Variants in PTPRQ observed in about 807,000 individuals in gnomAD.
PTPRQ encodes protein tyrosine phosphatase receptor type Q.
A neutral mutation model predicts 246.0 loss-of-function variants in PTPRQ; 199 were observed. The observed-to-expected ratio is 0.81, with a 90% CI of 0.72 to 0.91. The LOEUF (loss-of-function observed/expected upper bound fraction) is 0.91, where lower values mean the gene tolerates loss of function less well. Among genes scored for constraint, PTPRQ ranks in the 40% least tolerant of loss-of-function variants. The pLI, the probability that PTPRQ is intolerant of heterozygous loss-of-function variation, is 0.00. For synonymous variants in PTPRQ, 869 were observed against 853.2 expected (o/e 1.02, Z -0.32); for missense variants, 2,624 against 2,528.4 (o/e 1.04, Z -0.81).
chr12:80,499,934 T>C (rs1894745373), intron 14 of PTPRQ, among the ~76,000 whole-genome samples: 1 of 152,008 alleles, frequency 6.6e-6, no homozygotes, highest in Admixed American at 6.6e-5. Flanking sequence ...TGATGATCTA[T>C]ACATATTCCC....
chr12:80,588,194 A>G lies in PTPRQ; in HGVS notation c.4351A>G (p.Ile1451Val), dbSNP rs1001991706. Reference sequence around the variant, plus strand: ...GTCAACTAGTGCAACATTGACATGGATAAGACCTGACACTATCCTTGGCTA... The same window carrying G: ...GTCAACTAGTGCAACATTGACATGGGTAAGACCTGACACTATCCTTGGCTA... ...VQSTSATLTW[I>V]RPDTILGYFQ... is the part of the protein sequence containing the mutation. The change falls in exon 26 of 45, where the codon ATA (isoleucine) becomes GTA (valine). Residue 1451 changes from isoleucine (I) to valine (V), a missense_variant. Coordinates refer to ENST00000644991, the MANE Select transcript of PTPRQ (RefSeq NM_001145026.2). 6.4e-7 allele frequency: 1 copy of G among 1,551,376 alleles called. No individual in the cohort carries two copies.
chr12:80,540,557 A>G lies in PTPRQ; in HGVS notation c.3154+613A>G, dbSNP rs1303566283. 2.0e-5 allele frequency among the ~76,000 whole-genome samples: 3 copies of G among 152,104 alleles called. No individual in the cohort carries two copies. In the East Asian group the frequency reaches 5.8e-4, roughly 29 times the overall value. On this transcript the variant is annotated intron_variant, in intron 20 of 44. Transcript: ENST00000644991. The stretch of plus-strand genomic sequence containing the variant: ...AGTTGTTTCTGTCATCCATTTGCTT[A>G]TTTTCAAAGATTAATCCCTTATTGA...
chr12:80,515,361 G>T (rs979665428), intron 17 of PTPRQ, among the ~76,000 whole-genome samples: 10 of 151,894 alleles, frequency 6.6e-5, no homozygotes, highest in Non-Finnish European at 1.3e-4. Flanking sequence ...ATTCTCAGTT[G>T]CCATTATTTC....
intron 38 of PTPRQ, among the ~76,000 whole-genome samples, chr12:80,654,997 G>A (rs1337143147): frequency 6.6e-6 from 1 of 152,058 alleles, no homozygotes; most frequent in African/African-American, 2.4e-5. Flanking sequence ...TTTTTGCTGT[G>A]TGACTTTTCA....
chr12:80,471,868 A>C (rs1893648895), intron 7 of PTPRQ, among the ~76,000 whole-genome samples: 1 of 152,192 alleles, frequency 6.6e-6, no homozygotes, highest in South Asian at 2.1e-4. Context: ...TTTATGATTT[A>C]ATAAAAGTCA....
intron 17 of PTPRQ, among the ~76,000 whole-genome samples, chr12:80,524,468 A>C (rs992932770): frequency 1.3e-5 from 2 of 152,096 alleles, no homozygotes; most frequent in East Asian, 3.9e-4. Context: ...TACCAGTCTC[A>C]GGTATGTCTT....
At chr12:80,475,763 T>TTAAG (rs1893790713) in intron 8 of PTPRQ, among the ~76,000 whole-genome samples, 2 of 152,048 alleles carry the variant, frequency 1.3e-5, no homozygotes, top group Admixed American at 6.5e-5. Flanking sequence ...ATTTTTGGCA[T>TTAAG]TAAGTATCAT....
In PTPRQ at chr12:80,542,841, T is replaced by A; in HGVS notation, c.3833T>A (p.Phe1278Tyr). Residue 1278 changes from phenylalanine to tyrosine, a missense_variant, in exon 23 of 45, where the codon TTT becomes TAT. Phe to Tyr is a conservative substitution (Grantham distance 22). Coordinates refer to ENST00000644991, the MANE Select transcript of PTPRQ (RefSeq NM_001145026.2). ...GGTGGTATTGTTAAAGTATATAGTT[T>A]TAAAATTCATGAACATGAAACTGAC... Reference protein sequence around the residue: ...LPGGIVKVYSFKIHEHETDTI... With the variant: ...LPGGIVKVYSYKIHEHETDTI... 6 of 1,540,790 alleles carry A rather than the reference T, an allele frequency of 3.9e-6. No homozygotes were observed. The highest frequency in any genetic ancestry group is 5.3e-6 in the Non-Finnish European group (6 of 1,142,486).
At chr12:80,531,455 C>T (rs10778761) in intron 17 of PTPRQ, among the ~76,000 whole-genome samples, 53,601 of 152,004 alleles carry the variant, frequency 0.35, 11,794 homozygotes, top group African/African-American at 0.62. Flanking sequence ...TTCCTACATA[C>T]GAATTTCCTA....
chr12:80,642,420 G>T (rs1899898752), intron 35 of PTPRQ, among the ~76,000 whole-genome samples: 1 of 152,128 alleles, frequency 6.6e-6, no homozygotes, highest in African/African-American at 2.4e-5. Context: ...CAATGCCCAT[G>T]GTTTTCATTT....
chr12:80,476,634 A>G (rs1565730964), intron 8 of PTPRQ, among the ~76,000 whole-genome samples: 1 of 152,220 alleles, frequency 6.6e-6, no homozygotes. Context: ...TGGGAGTTAT[A>G]AAATTATTTT....
chr12:80,469,463 T>C (rs1232951687), intron 7 of PTPRQ, among the ~76,000 whole-genome samples: 1 of 152,178 alleles, frequency 6.6e-6, no homozygotes, highest in Non-Finnish European at 1.5e-5. Context: ...TCATTAGAAG[T>C]GAATTATGTA....
chr12:80,575,600 G>C (rs1470452351), intron 25 of PTPRQ, among the ~76,000 whole-genome samples: 1 of 151,408 alleles, frequency 6.6e-6, no homozygotes, highest in African/African-American at 2.4e-5. Context: ...CCAGCACTTT[G>C]GGAGGCCAGG....
rs2120376762 is a variant in PTPRQ, at chr12:80,444,251, C to T, written c.-95C>T. 3.3e-6 allele frequency: 2 copies of T among 603,786 alleles called. No homozygotes were observed. Among genetic ancestry groups the T allele is most frequent in the East Asian group, 3.6e-5 (1 of 27,538 alleles). The allele number at this position is 603,786 out of a possible 1,614,324, so 37.4% of individuals were successfully genotyped here. On this transcript the variant is annotated 5_prime_UTR_variant, in exon 1 of 45. Coordinates refer to ENST00000644991, the MANE Select transcript of PTPRQ (RefSeq NM_001145026.2). ...GTAATATGGGCTCATTAATTGTGTA[C>T]TTGCCAGAAGGATCTGTCTTTAAAT...
intron 17 of PTPRQ, among the ~76,000 whole-genome samples, chr12:80,512,149 T>C (rs1006089806): frequency 3.9e-5 from 6 of 152,218 alleles, no homozygotes; most frequent in Admixed American, 3.9e-4. Context: ...GAATCAAGTG[T>C]GGTTACTACT....
intron 37 of PTPRQ, 109 bp from the exon 38 acceptor site, chr12:80,652,635 T>C: frequency 8.6e-7 from 1 of 1,156,916 alleles, no homozygotes; most frequent in Non-Finnish European, 1.1e-6. Flanking sequence ...TAGGTGTTTT[T>C]AATTTAAAAA....
intron 17 of PTPRQ, among the ~76,000 whole-genome samples, chr12:80,524,455 A>G (rs1275382231): frequency 6.6e-6 from 1 of 152,118 alleles, no homozygotes; most frequent in Non-Finnish European, 1.5e-5. Flanking sequence ...TTTCTTTATG[A>G]ATTACCAGTC....
Position 80,459,377 on chromosome 12 carries a change from T to A in PTPRQ, c.554T>A (p.Ile185Asn), listed in dbSNP as rs1893078347. The change falls in exon 5 of 45, where the codon ATT becomes AAT. Residue 185 changes from isoleucine to asparagine, a missense_variant. Transcript: ENST00000644991. ...TTACCTCGGCAACCAAATGGCAAAA[T>A]TACCAGCTTCAAGATTAGTGTCAAG... ...WYLPRQPNGK[I>N]TSFKISVKHA... The A allele has an allele frequency of 5.0e-6, 2 of 398,468 alleles. No homozygotes were observed. The highest frequency in any genetic ancestry group is 7.1e-5 in the East Asian group (2 of 28,056). The allele number at this position is 398,468 out of a possible 1,614,324, so 24.7% of individuals were successfully genotyped here. A position where few individuals can be genotyped will look rare whatever the true frequency, so the allele number is the denominator to read the frequency against.
chr12:80,660,736 T>C (rs1332500814), intron 39 of PTPRQ, among the ~76,000 whole-genome samples: 1 of 152,070 alleles, frequency 6.6e-6, no homozygotes, highest in African/African-American at 2.4e-5. Flanking sequence ...TGTTCCTATG[T>C]TGACAGAGCA....
Sources: allele counts gnomAD v4.1 joint callset (sites outside exome capture counted in the v4.1 genomes callset), GRCh38; gene constraint gnomAD v4.1.1; transcripts MANE v1.5; gene names NCBI Gene and HGNC (gene_info 2026-07-23, HGNC 2026-07-21).